AIMP1: variants seen among roughly 807,000 people sequenced by gnomAD.
AIMP1 encodes aminoacyl tRNA synthetase complex interacting multifunctional protein 1.
A neutral mutation model predicts 33.1 loss-of-function variants in AIMP1; 24 were observed. The ratio of observed to expected loss-of-function variants is 0.73; its 90% confidence interval spans 0.53 to 1.02. AIMP1 has a LOEUF of 1.02. Among genes scored for constraint, AIMP1 ranks in the 50% least tolerant of loss-of-function variants. AIMP1 has a pLI of 0.00. For missense variants in AIMP1, 367 were observed against 364.8 expected, an observed-to-expected ratio of 1.01 and a Z score of -0.05; for synonymous variants, 120 against 121.5, an observed-to-expected ratio of 0.99 and a Z score of 0.08.
Position 106,346,586 on chromosome 4 carries a change from TG to T in AIMP1, c.773-937del, listed in dbSNP as rs769964507. Among the ~76,000 whole-genome samples, 6 of 152,248 alleles carry T rather than the reference TG, an allele frequency of 3.9e-5. No individual in the cohort carries two copies. In the East Asian group the frequency reaches 5.8e-4, roughly 15 times the overall value. On this transcript the variant is annotated intron_variant, in intron 6 of 6. Coordinates refer to ENST00000672341, the MANE Select transcript of AIMP1 (RefSeq NM_001142416.2). The stretch of plus-strand genomic sequence containing the variant: ...TTTCTTTACATCTCACCGAGTAGAA[TG>T]GGTAACAAATGAAATCCAAAGTAGT...
intron 5 of AIMP1, among the ~76,000 whole-genome samples, chr4:106,333,701 A>G (rs1474393010): frequency 6.6e-6 from 1 of 152,138 alleles, no homozygotes; most frequent in Non-Finnish European, 1.5e-5. Context: ...TTCTATAGTG[A>G]AATTAGAGCT....
Position 106,337,903 on chromosome 4 carries a change from A to G in AIMP1, c.772+866A>G, listed in dbSNP as rs112163162. On this transcript the variant is annotated intron_variant, in intron 6 of 6. Coordinates refer to ENST00000672341, the MANE Select transcript of AIMP1 (RefSeq NM_001142416.2). ...ACAGTCCAGGCTGAGGTGGTCTCAG[A>G]TAGAGATGAGGAGCTTGTTGGGAAC... is the stretch of plus-strand genomic sequence containing the variant. Among the ~76,000 whole-genome samples the G allele has an allele frequency of 6.1e-3, 924 of 152,304 alleles. 12 individuals are homozygous for G. The highest frequency in any genetic ancestry group is 0.021 in the African/African-American group (892 of 41,572).
chr4:106,325,064 G>A lies in AIMP1; in HGVS notation c.55G>A (p.Asp19Asn). ...KRLEQKGAEA[D>N]QIIEYLKQQV... ...ACTGGAGCAGAAGGGTGCAGAGGCA[G>A]ATCAAATCATTGAATATCTTAAGCA... The change falls in exon 2 of 7, where the codon GAT (aspartate) becomes AAT (asparagine). Residue 19 changes from aspartate to asparagine, a missense_variant. Physicochemically the swap from Asp to Asn is conservative, Grantham distance 23 (BLOSUM62 1). Coordinates refer to ENST00000672341, the MANE Select transcript of AIMP1 (RefSeq NM_001142416.2). 1.9e-6 allele frequency: 3 copies of A among 1,613,150 alleles called. No individual in the cohort carries two copies. The highest frequency in any genetic ancestry group is 2.5e-6 in the Non-Finnish European group (3 of 1,179,408).
chr4:106,344,090 G>A lies in AIMP1; in HGVS notation c.773-3436G>A, dbSNP rs373145805. 2.1e-3 allele frequency among the ~76,000 whole-genome samples: 325 copies of A among 152,066 alleles called. 1 individual carries two copies. Among genetic ancestry groups the A allele is most frequent in the African/African-American group, 7.5e-3 (311 of 41,506 alleles). On this transcript the variant is annotated intron_variant, in intron 6 of 6. Coordinates refer to ENST00000672341, the MANE Select transcript of AIMP1 (RefSeq NM_001142416.2). Reference sequence around the variant, plus strand: ...CTCAGTCTTATTATTAATTAACTTGGCTTCTGGCACCACACTCTCCTGGTG... The same window carrying A: ...CTCAGTCTTATTATTAATTAACTTGACTTCTGGCACCACACTCTCCTGGTG...
At chr4:106,328,351 G>A in intron 4 of AIMP1, 108 bp downstream of exon 4, 1 of 1,329,376 alleles carries the variant, frequency 7.5e-7, no homozygotes, top group Non-Finnish European at 1.0e-6. Context: ...CAACTTTCAT[G>A]AGCTAGGATA....
chr4:106,339,037 C>T (rs1031861548), intron 6 of AIMP1, among the ~76,000 whole-genome samples: 4 of 152,174 alleles, frequency 2.6e-5, no homozygotes, highest in Admixed American at 1.3e-4. Flanking sequence ...TCCAATTTCT[C>T]CCATTTGGAA....
chr4:106,320,293 G>A (rs1473198722), intron 1 of AIMP1, among the ~76,000 whole-genome samples: 4 of 152,158 alleles, frequency 2.6e-5, no homozygotes, highest in Non-Finnish European at 4.4e-5. Context: ...TGCCCTAAGC[G>A]TAACATTATT....
rs1579632940 is a variant in AIMP1, at chr4:106,327,593, C to A, written c.223+29C>A. 1.9e-6 allele frequency: 3 copies of A among 1,550,908 alleles called. No homozygotes were observed. The African/African-American group carries it at 4.1e-5, about 21-fold the overall frequency. On this transcript the variant is annotated intron_variant, in intron 3 of 6. Coordinates refer to ENST00000672341, the MANE Select transcript of AIMP1 (RefSeq NM_001142416.2). The stretch of plus-strand genomic sequence containing the variant: ...ATTAAATATAGAAAATTTGAGTAAT[C>A]CAGAAGTTAAGAAGTTGGCCAGTCA...
At chr4:106,345,971 G>A (rs1048771143) in intron 6 of AIMP1, among the ~76,000 whole-genome samples, 16 of 149,716 alleles carry the variant, frequency 1.1e-4, no homozygotes, top group African/African-American at 3.9e-4. Context: ...CTCAACTTAG[G>A]AGTCAGTGAA....
At chr4:106,331,409 T>C (rs971694225) in intron 4 of AIMP1, among the ~76,000 whole-genome samples, 2 of 152,228 alleles carry the variant, frequency 1.3e-5, no homozygotes, top group Non-Finnish European at 2.9e-5. Flanking sequence ...GGCAACAGGC[T>C]GGATTTGTCC....
intron 4 of AIMP1, among the ~76,000 whole-genome samples, chr4:106,330,771 C>T (rs76487341): frequency 6.6e-6 from 1 of 152,282 alleles, no homozygotes; most frequent in East Asian, 1.9e-4. Flanking sequence ...AGAAAGAATG[C>T]TTCCAAGCTA....
intron 6 of AIMP1, among the ~76,000 whole-genome samples, chr4:106,342,806 A>G (rs930142313): frequency 4.0e-5 from 6 of 151,682 alleles, no homozygotes; most frequent in African/African-American, 1.5e-4. Flanking sequence ...ACAAGGAAGG[A>G]GCTCCTCTTG....
chr4:106,349,215 C>A lies in AIMP1; in HGVS notation c.*1523C>A, dbSNP rs1044610250. 11 of 151,894 alleles carry A rather than the reference C, an allele frequency of 7.2e-5. No homozygotes were observed. Among genetic ancestry groups the A allele is most frequent in the African/African-American group, 2.7e-4 (11 of 41,374 alleles). 9.4% of individuals were successfully genotyped at this position (151,894 alleles called of 1,614,324 possible). A position where few individuals can be genotyped will look rare whatever the true frequency, so the allele number is the denominator to read the frequency against. ...GTCATTCTTTTGGGAATAAATACTT[C>A]TGGTGACAAAGTCTTTTGTGAGTTT... On this transcript the variant is annotated 3_prime_UTR_variant, in exon 7 of 7. Coordinates refer to ENST00000672341, the MANE Select transcript of AIMP1 (RefSeq NM_001142416.2).
rs1579620486 is a variant in AIMP1, at chr4:106,316,582, T to G, written c.-38T>G. The G allele has an allele frequency of 6.4e-7, 1 of 1,551,578 alleles. No homozygotes were observed. The highest frequency in any genetic ancestry group is 1.2e-5 in the South Asian group (1 of 84,048). ...GCTGTGGCTGTCTCGGAACCCGTGG[T>G]CCTCCGCTTCATGTGAGTGACGTCG... On this transcript the variant is annotated 5_prime_UTR_variant, in exon 1 of 7. Coordinates refer to ENST00000672341, the MANE Select transcript of AIMP1 (RefSeq NM_001142416.2).
chr4:106,336,279 C>T (rs1769879072), intron 5 of AIMP1, among the ~76,000 whole-genome samples: 1 of 150,070 alleles, frequency 6.7e-6, no homozygotes, highest in Non-Finnish European at 1.5e-5. Context: ...TGGGCTCAAG[C>T]AGTCTGCCTG....
intron 5 of AIMP1, among the ~76,000 whole-genome samples, chr4:106,334,713 A>G (rs1769809684): frequency 6.6e-6 from 1 of 152,206 alleles, no homozygotes; most frequent in East Asian, 1.9e-4. Flanking sequence ...TCTAGTAAGT[A>G]TTGAGGCCAG....
At position 106,348,468 on chromosome 4, in the gene AIMP1, C is replaced by G. The variant is rs1271169969; in HGVS notation, c.*776C>G. 2 of 150,154 alleles carry G rather than the reference C, an allele frequency of 1.3e-5. No homozygotes were observed. Among genetic ancestry groups the G allele is most frequent in the Non-Finnish European group, 3.0e-5 (2 of 67,694 alleles). The allele number at this position is 150,154 out of a possible 1,614,324, so 9.3% of individuals were successfully genotyped here. ...TTCTTTTTAAAGATTATTTGGGTAC[C>G]TAATAAAGGATAATTTATATCTTAT... On this transcript the variant is annotated 3_prime_UTR_variant, in exon 7 of 7. Coordinates refer to ENST00000672341, the MANE Select transcript of AIMP1 (RefSeq NM_001142416.2).
chr4:106,340,668 A>AT (rs1197246606), intron 6 of AIMP1, among the ~76,000 whole-genome samples: 1 of 152,128 alleles, frequency 6.6e-6, no homozygotes, highest in Admixed American at 6.5e-5. Flanking sequence ...TGTGTACCAC[A>AT]TTTTTTTAAT....
At chr4:106,343,752 C>G (rs1367181874) in intron 6 of AIMP1, among the ~76,000 whole-genome samples, 1 of 152,164 alleles carries the variant, frequency 6.6e-6, no homozygotes, top group Non-Finnish European at 1.5e-5. Context: ...AGCTAGGAAA[C>G]AAAGACAATG....
Sources: gnomAD v4.1 joint callset for allele counts (sites outside exome capture counted in the v4.1 genomes callset) on GRCh38, gnomAD v4.1.1 for gene constraint, MANE v1.5 for transcripts, NCBI Gene and HGNC (gene_info 2026-07-23, HGNC 2026-07-21) for gene names.